Variants in GPC6 observed in about 807,000 individuals in gnomAD.
The protein encoded by GPC6 is glypican-6.
In GPC6, 14 loss-of-function variants were observed where a neutral mutation model predicts 55.2. The observed-to-expected ratio is 0.25, with a 90% CI of 0.17 to 0.40. The LOEUF is 0.40. Ranked by LOEUF, GPC6 falls within the 10% of genes least tolerant of loss-of-function variation. The probability of loss-of-function intolerance (pLI) is 1.00; values close to 1 mark genes in which losing one functional copy is unlikely to be tolerated. For synonymous variants in GPC6, 278 were observed against 259.6 expected, an observed-to-expected ratio of 1.07 and a Z score of -0.68; for missense variants, 641 against 708.5, an observed-to-expected ratio of 0.90 and a Z score of 1.08.
chr13:93,875,618 GT>G (rs906491192), intron 3 of GPC6, among the ~76,000 whole-genome samples: 2 of 152,046 alleles, frequency 1.3e-5, no homozygotes, highest in Admixed American at 1.3e-4. Flanking sequence ...TCTGAGAGAA[GT>G]GCCTGGTCTT....
intron 1 of GPC6, among the ~76,000 whole-genome samples, chr13:93,532,628 C>T (rs1292350781): frequency 6.6e-6 from 1 of 152,176 alleles, no homozygotes; most frequent in Non-Finnish European, 1.5e-5. Context: ...GCCCACTCCT[C>T]ACCTCCCATA....
At chr13:93,358,990 T>G (rs960289793) in intron 1 of GPC6, among the ~76,000 whole-genome samples, 9 of 59,828 alleles carry the variant, frequency 1.5e-4, no homozygotes, top group Non-Finnish European at 2.7e-4. Context: ...TTTTTTTTTG[T>G]TTTTTTTTTC....
intron 1 of GPC6, among the ~76,000 whole-genome samples, chr13:93,415,376 A>C (rs1392941561): frequency 6.6e-6 from 1 of 152,134 alleles, no homozygotes; most frequent in South Asian, 2.1e-4. Context: ...AGACCTTTCC[A>C]TATTTATCCA....
intron 4 of GPC6, among the ~76,000 whole-genome samples, chr13:94,222,260 GGA>G (rs1196968495): frequency 6.6e-6 from 1 of 152,186 alleles, no homozygotes; most frequent in East Asian, 1.9e-4. Context: ...AAATGTTATA[GGA>G]GTTTGGAGTT....
intron 4 of GPC6, among the ~76,000 whole-genome samples, chr13:94,068,860 C>T (rs2138779798): frequency 6.6e-6 from 1 of 152,290 alleles, no homozygotes; most frequent in Middle Eastern, 3.4e-3. Context: ...AGGGTACGGC[C>T]TCCCTCCTGG....
intron 2 of GPC6, among the ~76,000 whole-genome samples, chr13:93,580,654 A>G (rs1251215878): frequency 1.3e-5 from 2 of 152,222 alleles, no homozygotes; most frequent in Non-Finnish European, 2.9e-5. Context: ...ACTCCTGAGA[A>G]CAAACAAAAC....
At chr13:93,666,319 T>A (rs1323709403) in intron 2 of GPC6, among the ~76,000 whole-genome samples, 1 of 152,142 alleles carries the variant, frequency 6.6e-6, no homozygotes, top group East Asian at 1.9e-4. Context: ...TCTAAGACTT[T>A]AAATTTGATT....
chr13:94,380,539 TTC>T (rs1230719677), intron 6 of GPC6, among the ~76,000 whole-genome samples: 1 of 152,242 alleles, frequency 6.6e-6, no homozygotes, highest in Non-Finnish European at 1.5e-5. Context: ...CATTTACCTT[TTC>T]TCTTTTTCTT....
intron 1 of GPC6, among the ~76,000 whole-genome samples, chr13:93,526,051 A>G (rs1241104785): frequency 6.6e-6 from 1 of 152,076 alleles, no homozygotes; most frequent in Non-Finnish European, 1.5e-5. Flanking sequence ...CTTGCCATGA[A>G]TTATATCTTT....
chr13:93,781,504 G>A (rs776072722), intron 2 of GPC6, among the ~76,000 whole-genome samples: 6 of 152,064 alleles, frequency 3.9e-5, no homozygotes, highest in Non-Finnish European at 8.8e-5. Flanking sequence ...CCTTTTCCCA[G>A]TATTTCTGTC....
intron 4 of GPC6, among the ~76,000 whole-genome samples, chr13:94,243,314 G>A (rs1383588827): frequency 6.6e-6 from 1 of 151,988 alleles, no homozygotes; most frequent in East Asian, 1.9e-4. Flanking sequence ...TACATTCTCA[G>A]GGAAAACTAA....
chr13:93,446,043 T>C (rs1319663218), intron 1 of GPC6, among the ~76,000 whole-genome samples: 1 of 152,172 alleles, frequency 6.6e-6, no homozygotes, highest in Non-Finnish European at 1.5e-5. Context: ...GCTAAAATAA[T>C]GGGAGATAAT....
intron 3 of GPC6, among the ~76,000 whole-genome samples, chr13:93,854,743 C>A (rs1888536776): frequency 6.6e-6 from 1 of 151,666 alleles, no homozygotes; most frequent in Non-Finnish European, 1.5e-5. Context: ...ATTTGTATCA[C>A]TTTTTGTTAT....
At chr13:94,015,107 G>T (rs1459945328) in intron 3 of GPC6, among the ~76,000 whole-genome samples, 1 of 152,120 alleles carries the variant, frequency 6.6e-6, no homozygotes, top group African/African-American at 2.4e-5. Context: ...TTGAGGAACT[G>T]CCAAACTGTT....
intron 2 of GPC6, among the ~76,000 whole-genome samples, chr13:93,690,866 C>CT (rs796434571): frequency 6.6e-5 from 10 of 151,688 alleles, no homozygotes; most frequent in African/African-American, 2.4e-4. Context: ...GCATTTTTTT[C>CT]TTTTTACAAA....
intron 2 of GPC6, among the ~76,000 whole-genome samples, chr13:93,607,679 C>G (rs1173043474): frequency 6.6e-6 from 1 of 152,168 alleles, no homozygotes; most frequent in East Asian, 1.9e-4. Context: ...GCTGGATGCA[C>G]TCCTTTTGGG....
intron 1 of GPC6, among the ~76,000 whole-genome samples, chr13:93,394,496 A>C (rs1875769411): frequency 6.6e-6 from 1 of 152,224 alleles, no homozygotes; most frequent in African/African-American, 2.4e-5. Flanking sequence ...CAATGTCCTC[A>C]TCAGCCCCTG....
chr13:94,129,626 T>C (rs901557607), intron 4 of GPC6, among the ~76,000 whole-genome samples: 18 of 152,150 alleles, frequency 1.2e-4, no homozygotes, highest in African/African-American at 4.1e-4. Context: ...GCAGAGCGAG[T>C]GGCTTCCTTT....
At chr13:93,442,138 G>C (rs1594172329) in intron 1 of GPC6, among the ~76,000 whole-genome samples, 1 of 152,284 alleles carries the variant, frequency 6.6e-6, no homozygotes, top group East Asian at 1.9e-4. Context: ...GGTTAATGGA[G>C]GGCCCTGATA....
Sources: gnomAD v4.1 joint callset for allele counts (sites outside exome capture counted in the v4.1 genomes callset) on GRCh38, gnomAD v4.1.1 for gene constraint, MANE v1.5 for transcripts, NCBI Gene and HGNC (gene_info 2026-07-23, HGNC 2026-07-21) for gene names.